HDDC2: variants seen among roughly 807,000 people sequenced by gnomAD.
HDDC2 encodes the protein HD domain containing 2, also known as 5'-deoxynucleotidase HDDC2.
A neutral mutation model predicts 25.5 loss-of-function variants in HDDC2; 25 were observed. The ratio of observed to expected loss-of-function variants is 0.98; its 90% CI spans 0.72 to 1.37. HDDC2 has a LOEUF of 1.37. Among genes scored for constraint, HDDC2 ranks in the 40% most tolerant of loss-of-function variants. The probability of loss-of-function intolerance (pLI) is 0.00; values close to 1 mark genes in which losing one functional copy is unlikely to be tolerated. For missense variants in HDDC2, 264 were observed against 253.1 expected, an observed-to-expected ratio of 1.04 and a Z score of -0.29; for synonymous variants, 106 against 89.7, an observed-to-expected ratio of 1.18 and a Z score of -1.03.
At position 125,292,853 on chromosome 6, in the gene HDDC2, A is replaced by T; in HGVS notation, c.366T>A (p.Tyr122Ter). The change falls in exon 4 of 6, where the codon TAT (tyrosine) becomes TAA (stop). Residue 122 changes from tyrosine (Y) to a stop codon, truncating the protein, a stop_gained. Coordinates refer to ENST00000398153, the MANE Select transcript of HDDC2 (RefSeq NM_016063.3). LOFTEE classifies it high-confidence loss of function. The part of the protein sequence containing the change: ...LLPEDLRKEL[Y>*]ELWEEYETQS... Reference sequence around the variant, plus strand: ...CATATATACTTACTTCCCAAAGTTCATAGAGCTCCTTTCTGAGGTCCTCTG... The same window carrying T: ...CATATATACTTACTTCCCAAAGTTCTTAGAGCTCCTTTCTGAGGTCCTCTG... 6.2e-7 allele frequency: 1 copy of T among 1,612,574 alleles called. No homozygotes were observed. The highest frequency in any genetic ancestry group is 8.5e-7 in the Non-Finnish European group (1 of 1,179,034).
At chr6:125,277,572 TAAGTA>T (rs1798388741) in intron 4 of HDDC2, 1 of 209,556 alleles carries the variant, frequency 4.8e-6, no homozygotes, top group Non-Finnish European at 9.4e-6. Flanking sequence ...TTAATCTACC[TAAGTA>T]GTTTAGATAT....
chr6:125,298,476 T>C (rs771010326), intron 3 of HDDC2, among the ~76,000 whole-genome samples: 10 of 152,212 alleles, frequency 6.6e-5, no homozygotes, highest in Non-Finnish European at 1.3e-4. Context: ...CTAAATCTAT[T>C]ATATCCTAAA....
At chr6:125,286,783 A>C (rs959471168) in intron 4 of HDDC2, among the ~76,000 whole-genome samples, 1 of 152,238 alleles carries the variant, frequency 6.6e-6, no homozygotes, top group African/African-American at 2.4e-5. Flanking sequence ...TCGAAGAAGC[A>C]TATTTACCCC....
intron 4 of HDDC2, among the ~76,000 whole-genome samples, chr6:125,287,849 G>A (rs1175219650): frequency 1.3e-5 from 2 of 152,212 alleles, no homozygotes; most frequent in East Asian, 3.9e-4. Flanking sequence ...TTTTCAGCAG[G>A]AGAGTGGCAA....
At chr6:125,300,402 G>C (rs1583056993) in intron 2 of HDDC2, 136 bp downstream of exon 2, 2 of 1,072,676 alleles carry the variant, frequency 1.9e-6, no homozygotes, top group Non-Finnish European at 2.6e-6. Flanking sequence ...TCCTAAATTT[G>C]TATGGTTTGC....
At chr6:125,288,066 G>A (rs1212713659) in intron 4 of HDDC2, among the ~76,000 whole-genome samples, 1 of 152,186 alleles carries the variant, frequency 6.6e-6, no homozygotes, top group Non-Finnish European at 1.5e-5. Context: ...AGAGAAGTAG[G>A]GAAATGTGGC....
At chr6:125,280,946 A>G (rs1159231869) in intron 4 of HDDC2, among the ~76,000 whole-genome samples, 1 of 152,242 alleles carries the variant, frequency 6.6e-6, no homozygotes, top group Non-Finnish European at 1.5e-5. Context: ...GACATCTCAT[A>G]CAGGAGAGCT....
chr6:125,296,745 T>C (rs1798710889), intron 3 of HDDC2, among the ~76,000 whole-genome samples: 1 of 152,216 alleles, frequency 6.6e-6, no homozygotes, highest in Non-Finnish European at 1.5e-5. Flanking sequence ...GGAAAGGTTT[T>C]TCATCAAAGC....
chr6:125,294,781 C>T (rs987973247), intron 3 of HDDC2, among the ~76,000 whole-genome samples: 2 of 152,166 alleles, frequency 1.3e-5, no homozygotes, highest in Non-Finnish European at 2.9e-5. Context: ...GGAATCATCA[C>T]CTTCCTCATG....
Position 125,276,014 on chromosome 6 carries a change from G to T in HDDC2, c.*132C>A. On this transcript the variant is annotated 3_prime_UTR_variant, in exon 6 of 6. Coordinates refer to ENST00000398153, the MANE Select transcript of HDDC2 (RefSeq NM_016063.3). Reference sequence around the variant, plus strand: ...GTGCCCAAGTTGTATCACATTTCTTGCTGAAGTTCAGACAATTGAAAACAA... The same window carrying T: ...GTGCCCAAGTTGTATCACATTTCTTTCTGAAGTTCAGACAATTGAAAACAA... 1 of 680,782 alleles carries T rather than the reference G, an allele frequency of 1.5e-6. No homozygotes were observed. Among genetic ancestry groups the T allele is most frequent in the Non-Finnish European group, 2.5e-6 (1 of 392,306 alleles). 42.2% of individuals were successfully genotyped at this position (680,782 alleles called of 1,614,324 possible).
At chr6:125,276,525 G>GC in intron 5 of HDDC2, 1 of 411,856 alleles carries the variant, frequency 2.4e-6, no homozygotes, top group Non-Finnish European at 4.3e-6. Flanking sequence ...GCTCCTCAGT[G>GC]CCTCTACCAG....
intron 4 of HDDC2, among the ~76,000 whole-genome samples, chr6:125,288,641 A>C (rs532655689): frequency 6.6e-6 from 1 of 151,860 alleles, no homozygotes; most frequent in African/African-American, 2.4e-5. Flanking sequence ...CAAGAAAAAA[A>C]CAAACAACCC....
rs757239337 is a variant in HDDC2 at position 125,298,697 on chromosome 6, C to G, written c.309+17G>C. The stretch of plus-strand genomic sequence containing the variant: ...TTTTTCTGGTGGTTTTTTGCACAGT[C>G]AATAGTCAACACTGACCTCTTCTCG... On this transcript the variant is annotated intron_variant, in intron 3 of 5. Coordinates refer to ENST00000398153, the MANE Select transcript of HDDC2 (RefSeq NM_016063.3). 3 of 1,595,832 alleles carry G rather than the reference C, an allele frequency of 1.9e-6. No homozygotes were observed. Among genetic ancestry groups the G allele is most frequent in the Admixed American group, 1.7e-5 (1 of 60,004 alleles).
intron 4 of HDDC2, among the ~76,000 whole-genome samples, chr6:125,282,628 T>C (rs1798475216): frequency 6.6e-6 from 1 of 152,230 alleles, no homozygotes; most frequent in South Asian, 2.1e-4. Flanking sequence ...AATGACCAGC[T>C]AGCATCATAA....
rs1014847282 is a variant in HDDC2 at position 125,297,145 on chromosome 6, T to A, written c.309+1569A>T. Reference sequence around the variant, plus strand: ...ACAATGAGCTGTGTAATTGAGGAATTTTTTTCCCTTCCTTTCCCTCTGTGT... The same window carrying A: ...ACAATGAGCTGTGTAATTGAGGAATATTTTTCCCTTCCTTTCCCTCTGTGT... On this transcript the variant is annotated intron_variant, in intron 3 of 5. Coordinates refer to ENST00000398153, the MANE Select transcript of HDDC2 (RefSeq NM_016063.3). Among the ~76,000 whole-genome samples the A allele has an allele frequency of 2.0e-5, 3 of 152,184 alleles. 1 individual carries two copies. Among genetic ancestry groups the A allele is most frequent in the South Asian group, 4.1e-4 (2 of 4,828 alleles).
chr6:125,293,151 A>T (rs138362994), intron 3 of HDDC2: 2 of 560,978 alleles, frequency 3.6e-6, no homozygotes, highest in Non-Finnish European at 6.4e-6. Flanking sequence ...TCTACAACAC[A>T]ACAGACATAG....
chr6:125,288,307 AG>A (rs1288022580), intron 4 of HDDC2, among the ~76,000 whole-genome samples: 7 of 152,104 alleles, frequency 4.6e-5, no homozygotes, highest in Non-Finnish European at 1.0e-4. Context: ...AGGTGACCCG[AG>A]GCCCACTGAT....
chr6:125,291,810 C>T (rs1798635318), intron 4 of HDDC2, among the ~76,000 whole-genome samples: 2 of 152,160 alleles, frequency 1.3e-5, no homozygotes, highest in South Asian at 2.1e-4. Flanking sequence ...CTTAAAATGG[C>T]TATTTCATCC....
At position 125,287,180 on chromosome 6, in the gene HDDC2, C is replaced by T. The variant is rs144922531; in HGVS notation, c.378+5661G>A. Among the ~76,000 whole-genome samples the T allele has an allele frequency of 3.7e-4, 56 of 151,872 alleles. 1 individual carries two copies. The highest frequency in any genetic ancestry group is 1.3e-3 in the African/African-American group (54 of 41,444). ...AAAAGAAAGAAATGGAGGGGCAGACCGTAGATTAAAGGAGATTTAAAAGAC... is the reference window on the plus strand; with the variant it reads ...AAAAGAAAGAAATGGAGGGGCAGACTGTAGATTAAAGGAGATTTAAAAGAC... On this transcript the variant is annotated intron_variant, in intron 4 of 5. Coordinates refer to ENST00000398153, the MANE Select transcript of HDDC2 (RefSeq NM_016063.3).
Sources: allele counts gnomAD v4.1 joint callset (sites outside exome capture counted in the v4.1 genomes callset), GRCh38; gene constraint gnomAD v4.1.1; transcripts MANE v1.5; gene names NCBI Gene and HGNC (gene_info 2026-07-23, HGNC 2026-07-21).